The following SNX7 variants were observed in gnomAD, a reference collection of about 807,000 sequenced individuals.
SNX7 encodes the protein sorting nexin 7.
Under a neutral mutation model 48.4 loss-of-function variants are expected in SNX7, and 35 were observed. The ratio of observed to expected loss-of-function variants is 0.72; its 90% CI spans 0.55 to 0.96. The LOEUF is 0.96. Among genes scored for constraint, SNX7 ranks in the 40% least tolerant of loss-of-function variants. The pLI is 0.00. For missense variants in SNX7, 553 were observed against 548.9 expected (o/e 1.01, Z -0.07); for synonymous variants, 190 against 190.2 (o/e 1.00, Z 0.01).
At position 98,672,850 on chromosome 1, in the gene SNX7, G is replaced by T. The variant is rs1015645302; in HGVS notation, c.180+10939G>T. Among the ~76,000 whole-genome samples, 111 of 143,538 alleles carry T rather than the reference G, an allele frequency of 7.7e-4. 1 individual carries two copies. The highest frequency in any genetic ancestry group is 1.3e-3 in the Non-Finnish European group (90 of 66,874). The allele number at this position is 143,538 out of a possible 152,430, so 94.2% of individuals were successfully genotyped here. A position where few individuals can be genotyped will look rare whatever the true frequency, so the allele number is the denominator to read the frequency against. On this transcript the variant is annotated intron_variant, in intron 1 of 8. Coordinates refer to ENST00000306121, the MANE Select transcript of SNX7 (RefSeq NM_015976.5). Reference sequence around the variant, plus strand: ...GAGGCAGGAGAATGGCGTGAACCCGGGAAGCGGAGCTTGCAGTGAGCCGAG... The same window carrying T: ...GAGGCAGGAGAATGGCGTGAACCCGTGAAGCGGAGCTTGCAGTGAGCCGAG...
rs1401495808 is a variant in SNX7 at position 98,661,849 on chromosome 1, C to T, written c.118C>T (p.Leu40=). The change falls in exon 1 of 9, where the codon CTG becomes TTG. Residue 40 remains leucine (L), a synonymous_variant. Coordinates refer to ENST00000306121, the MANE Select transcript of SNX7 (RefSeq NM_015976.5). ...PFPGSSGSSA[L]LQAEVLDLDE... is the part of the protein sequence containing the mutation. Reference sequence around the variant, plus strand: ...TCCGGGCAGCAGTGGCTCTTCCGCCCTGCTGCAGGCGGAGGTGCTGGATCT... The same window carrying T: ...TCCGGGCAGCAGTGGCTCTTCCGCCTTGCTGCAGGCGGAGGTGCTGGATCT... 4.8e-6 allele frequency: 6 copies of T among 1,246,532 alleles called. No homozygotes were observed. The highest frequency in any genetic ancestry group is 1.6e-5 in the African/African-American group (1 of 64,344). 77.2% of individuals were successfully genotyped at this position (1,246,532 alleles called of 1,614,324 possible).
chr1:98,661,983 G>T lies in SNX7; in HGVS notation c.180+72G>T, dbSNP rs570273994. On this transcript the variant is annotated intron_variant, in intron 1 of 8. Transcript: ENST00000306121. ...GGGCGTTGCCAGCATTGCGCCGACG[G>T]CTGCCTCTGGCGCGCTTGCCCTCCC... 1.6e-5 allele frequency: 20 copies of T among 1,233,596 alleles called. No homozygotes were observed. The East Asian group carries it at 5.4e-4, about 33-fold the overall frequency. 76.4% of individuals were successfully genotyped at this position (1,233,596 alleles called of 1,614,324 possible).
chr1:98,712,566 G>T (rs1652371255), intron 7 of SNX7, among the ~76,000 whole-genome samples: 1 of 152,108 alleles, frequency 6.6e-6, no homozygotes. Context: ...ACTATAAACA[G>T]ATAACTCTGT....
intron 7 of SNX7, among the ~76,000 whole-genome samples, chr1:98,719,007 G>C (rs570054507): frequency 1.3e-5 from 2 of 152,026 alleles, no homozygotes; most frequent in African/African-American, 4.8e-5. Context: ...TTTTGTACAC[G>C]TTATTTGTAA....
intron 2 of SNX7, among the ~76,000 whole-genome samples, chr1:98,690,861 T>G (rs1453694147): frequency 6.6e-6 from 1 of 152,054 alleles, no homozygotes; most frequent in Non-Finnish European, 1.5e-5. Flanking sequence ...GATATTTGCT[T>G]TCTTTCTGGA....
At chr1:98,677,990 CGTGTGTGTGTGTGTGT>C (rs56259822) in intron 1 of SNX7, among the ~76,000 whole-genome samples, 1 of 141,778 alleles carries the variant, frequency 7.1e-6, no homozygotes, top group Non-Finnish European at 1.6e-5. Context: ...TGTGTGTGTG[CGTGTGTGTGTGTGTGT>C]GTGTGTGTGT....
intron 1 of SNX7, among the ~76,000 whole-genome samples, chr1:98,671,714 C>T (rs1275973016): frequency 2.0e-5 from 3 of 152,034 alleles, no homozygotes. Context: ...CTGTCATAGA[C>T]AAAAACCACT....
rs181581913 is a variant in SNX7 at position 98,734,540 on chromosome 1, G to A, written c.1126-3697G>A. Among the ~76,000 whole-genome samples the A allele has an allele frequency of 8.5e-5, 13 of 152,210 alleles. No individual in the cohort carries two copies. In the East Asian group the frequency reaches 1.5e-3, roughly 18 times the overall value. On this transcript the variant is annotated intron_variant, in intron 7 of 8. Coordinates refer to ENST00000306121, the MANE Select transcript of SNX7 (RefSeq NM_015976.5). ...CTAGTTTCCCAGCTTGTAATAGGAAGATGATAATACCAAATTTGTAACATG... is the reference window on the plus strand; with the variant it reads ...CTAGTTTCCCAGCTTGTAATAGGAAAATGATAATACCAAATTTGTAACATG...
At chr1:98,724,872 T>G (rs1389483583) in intron 7 of SNX7, among the ~76,000 whole-genome samples, 1 of 152,190 alleles carries the variant, frequency 6.6e-6, no homozygotes, top group African/African-American at 2.4e-5. Context: ...TTTTTATAAT[T>G]GATACTTTGA....
chr1:98,704,792 CAA>C (rs2100980906), intron 7 of SNX7, among the ~76,000 whole-genome samples: 1 of 152,290 alleles, frequency 6.6e-6, no homozygotes, highest in African/African-American at 2.4e-5. Flanking sequence ...GAGACTCCAT[CAA>C]AGTCACCTTT....
intron 8 of SNX7, among the ~76,000 whole-genome samples, chr1:98,748,243 C>G (rs1016768247): frequency 9.2e-5 from 14 of 152,022 alleles, no homozygotes; most frequent in African/African-American, 3.4e-4. Flanking sequence ...GCCTTGGCCT[C>G]CCAGAGTGCT....
At chr1:98,717,953 A>G (rs967395854) in intron 7 of SNX7, among the ~76,000 whole-genome samples, 4 of 152,144 alleles carry the variant, frequency 2.6e-5, no homozygotes, top group Non-Finnish European at 5.9e-5. Flanking sequence ...TGCATTCAAA[A>G]TAAACCTTAA....
chr1:98,676,922 T>G (rs1359466890), intron 1 of SNX7, among the ~76,000 whole-genome samples: 4 of 152,236 alleles, frequency 2.6e-5, no homozygotes, highest in Non-Finnish European at 5.9e-5. Context: ...TTTATGATTT[T>G]TTTTTTACTC....
chr1:98,684,254 A>G (rs1484002860), intron 1 of SNX7, among the ~76,000 whole-genome samples: 1 of 152,152 alleles, frequency 6.6e-6, no homozygotes, highest in Non-Finnish European at 1.5e-5. Flanking sequence ...CGTTTACCAT[A>G]GTTTTTTTCT....
At chr1:98,677,608 A>T (rs1650234415) in intron 1 of SNX7, among the ~76,000 whole-genome samples, 1 of 152,190 alleles carries the variant, frequency 6.6e-6, no homozygotes, top group African/African-American at 2.4e-5. Context: ...GGCCAGGGGC[A>T]GTGACTCATG....
intron 4 of SNX7, among the ~76,000 whole-genome samples, chr1:98,693,094 T>G (rs578156202): frequency 1.3e-5 from 2 of 152,292 alleles, no homozygotes; most frequent in East Asian, 3.9e-4. Flanking sequence ...AAGGGTCTAC[T>G]TTATTTTGAG....
At chr1:98,741,757 T>G (rs1432058879) in intron 8 of SNX7, among the ~76,000 whole-genome samples, 1 of 152,090 alleles carries the variant, frequency 6.6e-6, no homozygotes, top group Non-Finnish European at 1.5e-5. Context: ...TTCCTAACTT[T>G]TTTCTTGAAG....
At chr1:98,736,966 T>C (rs12144316) in intron 7 of SNX7, among the ~76,000 whole-genome samples, 43,738 of 152,004 alleles carry the variant, frequency 0.29, 6,828 homozygotes, top group Non-Finnish European at 0.34. Flanking sequence ...GCTCAAATCT[T>C]CCTGGCTTTG....
At position 98,698,925 on chromosome 1, in the gene SNX7, A is replaced by C. The variant is rs779689528; in HGVS notation, c.1038+20A>C. 3.7e-6 allele frequency: 6 copies of C among 1,609,114 alleles called. No individual in the cohort carries two copies. Among genetic ancestry groups the C allele is most frequent in the Middle Eastern group, 1.7e-4 (1 of 6,050 alleles). On this transcript the variant is annotated intron_variant, in intron 6 of 8. Coordinates refer to ENST00000306121, the MANE Select transcript of SNX7 (RefSeq NM_015976.5). ...TTAATGGTAAGAACACCTAATTCTAATTTTACCTCAGTCCCTTACCTGATT... is the reference window on the plus strand; with the variant it reads ...TTAATGGTAAGAACACCTAATTCTACTTTTACCTCAGTCCCTTACCTGATT...
Sources: allele counts gnomAD v4.1 joint callset (sites outside exome capture counted in the v4.1 genomes callset), GRCh38; gene constraint gnomAD v4.1.1; transcripts MANE v1.5; gene names NCBI Gene and HGNC (gene_info 2026-07-23, HGNC 2026-07-21).